The following GLRA3 variants were observed in gnomAD, a reference collection of about 807,000 sequenced individuals.
GLRA3 encodes the protein glycine receptor subunit alpha-3.
A neutral mutation model predicts 60.4 loss-of-function variants in GLRA3; 44 were observed. The ratio of observed to expected loss-of-function variants is 0.73; its 90% CI spans 0.57 to 0.94. The LOEUF is 0.94. GLRA3 is among the 40% of genes least tolerant of loss of function. The pLI is 0.00. For missense variants in GLRA3, 508 were observed against 564.6 expected, an observed-to-expected ratio of 0.90 and a Z score of 1.02; for synonymous variants, 223 against 192.9, an observed-to-expected ratio of 1.16 and a Z score of -1.29.
At chr4:174,700,481 A>G (rs1735264429) in intron 5 of GLRA3, among the ~76,000 whole-genome samples, 2 of 152,170 alleles carry the variant, frequency 1.3e-5, no homozygotes, top group Non-Finnish European at 2.9e-5. Context: ...ACCTCCCTAT[A>G]TGATGGCAAA....
intron 7 of GLRA3, among the ~76,000 whole-genome samples, chr4:174,661,864 A>G (rs962634421): frequency 6.6e-6 from 1 of 152,222 alleles, no homozygotes; most frequent in Non-Finnish European, 1.5e-5. Flanking sequence ...AAAAATGAAC[A>G]CAAAGGGAAG....
At chr4:174,715,713 T>C (rs755823041) in intron 4 of GLRA3, 143 bp from the exon 5 acceptor site, 24 of 513,860 alleles carry the variant, frequency 4.7e-5, no homozygotes, top group Non-Finnish European at 7.8e-5. Flanking sequence ...CTACTTACTA[T>C]AAAATAGCTA....
At chr4:174,817,544 G>T (rs1335623269) in intron 1 of GLRA3, among the ~76,000 whole-genome samples, 1 of 152,146 alleles carries the variant, frequency 6.6e-6, no homozygotes, top group African/African-American at 2.4e-5. Context: ...CCGTTCAACA[G>T]CCCTCACTTC....
At position 174,637,332 on chromosome 4, in the gene GLRA3, A is replaced by G. The variant is rs1732518978; in HGVS notation, c.*6454T>C. 2 of 152,160 alleles carry G rather than the reference A, an allele frequency of 1.3e-5. No individual in the cohort carries two copies. The highest frequency in any genetic ancestry group is 4.8e-5 in the African/African-American group (2 of 41,454). 9.4% of individuals were successfully genotyped at this position (152,160 alleles called of 1,614,324 possible). On this transcript the variant is annotated 3_prime_UTR_variant, in exon 10 of 10. Transcript: ENST00000274093. ...ACATTTTCTTTTTGTTTTGTTTTTC[A>G]TAGCATATCATATTATATCTGTAGA...
At chr4:174,722,042 G>A (rs1360465377) in intron 4 of GLRA3, among the ~76,000 whole-genome samples, 1 of 151,972 alleles carries the variant, frequency 6.6e-6, no homozygotes. Context: ...TAATCTATCT[G>A]TATATCTATC....
intron 3 of GLRA3, among the ~76,000 whole-genome samples, chr4:174,757,312 C>T (rs1034458158): frequency 4.0e-5 from 6 of 151,856 alleles, no homozygotes; most frequent in Admixed American, 3.9e-4. Flanking sequence ...CAAGCTCTGT[C>T]TGCTGTGAAG....
chr4:174,726,535 G>T (rs1441675121), intron 4 of GLRA3, among the ~76,000 whole-genome samples: 1 of 152,154 alleles, frequency 6.6e-6, no homozygotes, highest in Non-Finnish European at 1.5e-5. Flanking sequence ...AGAGAAATTA[G>T]GCTTTTGTTG....
intron 3 of GLRA3, among the ~76,000 whole-genome samples, chr4:174,752,611 C>A (rs910410819): frequency 6.6e-6 from 1 of 151,900 alleles, no homozygotes; most frequent in Admixed American, 6.6e-5. Context: ...GAAAAGAGTC[C>A]CAGAAGCGCT....
intron 1 of GLRA3, among the ~76,000 whole-genome samples, chr4:174,821,837 T>C (rs1740753850): frequency 6.6e-6 from 1 of 152,190 alleles, no homozygotes; most frequent in South Asian, 2.1e-4. Flanking sequence ...AAGGAGATTG[T>C]TTGATCCTAT....
At chr4:174,774,923 C>T (rs1028861719) in intron 2 of GLRA3, among the ~76,000 whole-genome samples, 6 of 152,080 alleles carry the variant, frequency 3.9e-5, no homozygotes, top group Admixed American at 3.3e-4. Context: ...GGCATCAGGT[C>T]AACAACTTAC....
At chr4:174,781,738 A>G (rs1183668848) in intron 2 of GLRA3, among the ~76,000 whole-genome samples, 2 of 151,170 alleles carry the variant, frequency 1.3e-5, no homozygotes, top group South Asian at 2.1e-4. Flanking sequence ...ATTCCTCGAC[A>G]CATACACTCT....
chr4:174,678,365 C>T (rs1734208047), intron 6 of GLRA3, among the ~76,000 whole-genome samples: 1 of 152,116 alleles, frequency 6.6e-6, no homozygotes, highest in Non-Finnish European at 1.5e-5. Flanking sequence ...TTCTAAATCA[C>T]CCAGTTCTTG....
At chr4:174,826,114 G>T (rs929125004) in intron 1 of GLRA3, among the ~76,000 whole-genome samples, 2 of 152,016 alleles carry the variant, frequency 1.3e-5, no homozygotes, top group African/African-American at 4.8e-5. Flanking sequence ...ATGAATACAT[G>T]TATTCACCAC....
intron 5 of GLRA3, among the ~76,000 whole-genome samples, chr4:174,710,149 CT>C (rs1735664110): frequency 6.6e-6 from 1 of 151,904 alleles, no homozygotes; most frequent in African/African-American, 2.4e-5. Flanking sequence ...CTCTGGCTCT[CT>C]TTTGGTGGTC....
At chr4:174,725,401 A>G (rs1736285054) in intron 4 of GLRA3, among the ~76,000 whole-genome samples, 1 of 152,004 alleles carries the variant, frequency 6.6e-6, no homozygotes, top group Admixed American at 6.6e-5. Flanking sequence ...TATTTTTCTC[A>G]TTTGTTTCAA....
chr4:174,722,515 A>G (rs1268782533), intron 4 of GLRA3: 1 of 152,174 alleles, frequency 6.6e-6, no homozygotes, highest in Admixed American at 6.5e-5. Context: ...ATCTCTGTCT[A>G]AGTCAGTTTT....
chr4:174,674,612 G>A (rs945157582), intron 7 of GLRA3, among the ~76,000 whole-genome samples: 1 of 152,142 alleles, frequency 6.6e-6, no homozygotes, highest in African/African-American at 2.4e-5. Flanking sequence ...TCTTACAGGA[G>A]ATGTATTGAC....
chr4:174,732,268 A>T (rs10008011), intron 3 of GLRA3, among the ~76,000 whole-genome samples: 82,937 of 151,248 alleles, frequency 0.55, 23,559 homozygotes, highest in South Asian at 0.69. Flanking sequence ...AGCAGGAGAG[A>T]CGCTTGAACC....
At chr4:174,757,102 TGTC>T (rs1737748476) in intron 3 of GLRA3, among the ~76,000 whole-genome samples, 1 of 152,212 alleles carries the variant, frequency 6.6e-6, no homozygotes, top group Non-Finnish European at 1.5e-5. Context: ...AAAGTACAAC[TGTC>T]TTAACAGTTT....
Sources: allele counts gnomAD v4.1 joint callset (sites outside exome capture counted in the v4.1 genomes callset), GRCh38; gene constraint gnomAD v4.1.1; transcripts MANE v1.5; gene names NCBI Gene and HGNC (gene_info 2026-07-23, HGNC 2026-07-21).